ADARB2: variants seen among roughly 807,000 people sequenced by gnomAD.
ADARB2 encodes inactive double-stranded RNA-specific editase B2.
Under a neutral mutation model 62.2 loss-of-function variants are expected in ADARB2, and 25 were observed. The observed-to-expected ratio is 0.40, with a 90% CI of 0.29 to 0.56. The LOEUF (loss-of-function observed/expected upper bound fraction) is 0.56. Ranked by LOEUF, ADARB2 falls within the 20% of genes least tolerant of loss-of-function variation. ADARB2 has a pLI of 0.43. For missense variants in ADARB2, 1,071 were observed against 1,077.4 expected, an observed-to-expected ratio of 0.99 and a Z score of 0.08; for synonymous variants, 572 against 500.8, an observed-to-expected ratio of 1.14 and a Z score of -1.90.
intron 4 of ADARB2, among the ~76,000 whole-genome samples, chr10:1,247,701 A>G (rs912034030): frequency 5.9e-5 from 9 of 152,234 alleles, no homozygotes; most frequent in Admixed American, 4.6e-4. Flanking sequence ...ACCAACCAGC[A>G]TTCAGATAAA....
At chr10:1,558,666 C>A (rs12769051) in intron 1 of ADARB2, among the ~76,000 whole-genome samples, 3 of 21,748 alleles carry the variant, frequency 1.4e-4, no homozygotes, top group African/African-American at 1.7e-4. Flanking sequence ...CTCAGCACCC[C>A]CATGCCCCAT....
At chr10:1,205,504 C>T (rs1837042900) in intron 7 of ADARB2, among the ~76,000 whole-genome samples, 1 of 152,212 alleles carries the variant, frequency 6.6e-6, no homozygotes, top group African/African-American at 2.4e-5. Flanking sequence ...ACAGCTTCCC[C>T]AGGAGCTCAC....
At chr10:1,304,456 G>A (rs1831606460) in intron 3 of ADARB2, among the ~76,000 whole-genome samples, 1 of 152,050 alleles carries the variant, frequency 6.6e-6, no homozygotes, top group Admixed American at 6.5e-5. Context: ...GTCAACATTA[G>A]ACAGATCAAG....
intron 1 of ADARB2, among the ~76,000 whole-genome samples, chr10:1,385,515 G>T (rs2805511): frequency 0.33 from 50,144 of 150,356 alleles, 8,594 homozygotes; most frequent in Non-Finnish European, 0.37. Flanking sequence ...TACTGGATGG[G>T]TTTCACATTG....
At chr10:1,588,154 C>T (rs555126206) in intron 1 of ADARB2, among the ~76,000 whole-genome samples, 92 of 152,166 alleles carry the variant, frequency 6.0e-4, no homozygotes, top group Non-Finnish European at 1.2e-3. Context: ...CTTCAAGACC[C>T]ACCTTGCAGG....
chr10:1,380,785 GCTAATTTA>G (rs1832476272), intron 1 of ADARB2, among the ~76,000 whole-genome samples: 2 of 152,190 alleles, frequency 1.3e-5, no homozygotes, highest in Non-Finnish European at 2.9e-5. Context: ...TGCAGCCGAA[GCTAATTTA>G]CTACCAGAGA....
At chr10:1,404,777 G>T (rs1258071481) in intron 1 of ADARB2, among the ~76,000 whole-genome samples, 1 of 152,204 alleles carries the variant, frequency 6.6e-6, no homozygotes, top group Non-Finnish European at 1.5e-5. Flanking sequence ...GACCCCTGAG[G>T]GAAAGTGATG....
chr10:1,659,501 G>A (rs1385040194), intron 1 of ADARB2, among the ~76,000 whole-genome samples: 1 of 152,232 alleles, frequency 6.6e-6, no homozygotes, highest in Non-Finnish European at 1.5e-5. Context: ...CCTCTTCCCT[G>A]GAAGGAGCCT....
chr10:1,691,431 T>C (rs1834671159), intron 1 of ADARB2, among the ~76,000 whole-genome samples: 1 of 152,204 alleles, frequency 6.6e-6, no homozygotes, highest in Non-Finnish European at 1.5e-5. Flanking sequence ...AACTCATTTC[T>C]TGTGTCTCAG....
rs558536089 is a variant in ADARB2 at position 1,641,395 on chromosome 10, T to C, written c.100+95656A>G. ...TATAATTTCATAAAAACAAATGATG[T>C]GAACAACCCAATATCAGGTCTAAAA... On this transcript the variant is annotated intron_variant, in intron 1 of 9. Transcript: ENST00000381312. 3.9e-5 allele frequency among the ~76,000 whole-genome samples: 6 copies of C among 152,358 alleles called. No individual in the cohort carries two copies. The East Asian group carries it at 9.6e-4, about 24-fold the overall frequency.
intron 1 of ADARB2, among the ~76,000 whole-genome samples, chr10:1,665,402 C>T (rs1004108707): frequency 2.0e-5 from 3 of 152,244 alleles, no homozygotes; most frequent in Non-Finnish European, 4.4e-5. Context: ...AACTCGCATC[C>T]ACCCAGGGAA....
At chr10:1,588,791 T>A (rs960312869) in intron 1 of ADARB2, among the ~76,000 whole-genome samples, 5 of 152,050 alleles carry the variant, frequency 3.3e-5, no homozygotes, top group African/African-American at 9.7e-5. Context: ...TGACACAAAT[T>A]CATGAGAAAA....
chr10:1,499,954 G>C (rs141965833), intron 1 of ADARB2, among the ~76,000 whole-genome samples: 3 of 152,274 alleles, frequency 2.0e-5, no homozygotes, highest in East Asian at 1.9e-4. Flanking sequence ...GTACCTCTCT[G>C]ACTACATGAA....
At chr10:1,681,087 C>T (rs1834529487) in intron 1 of ADARB2, among the ~76,000 whole-genome samples, 1 of 152,116 alleles carries the variant, frequency 6.6e-6, no homozygotes, top group Non-Finnish European at 1.5e-5. Flanking sequence ...GAAGGCAGCC[C>T]CTGGACAGGA....
chr10:1,268,535 C>G (rs1831229127), intron 4 of ADARB2, among the ~76,000 whole-genome samples: 1 of 152,146 alleles, frequency 6.6e-6, no homozygotes, highest in Admixed American at 6.5e-5. Flanking sequence ...AATTTTAAAA[C>G]ATTGTGACAT....
chr10:1,643,555 A>G (rs1412467293), intron 1 of ADARB2, among the ~76,000 whole-genome samples: 1 of 152,160 alleles, frequency 6.6e-6, no homozygotes, highest in African/African-American at 2.4e-5. Context: ...CTTCACCAGT[A>G]TGGGGAAGTG....
chr10:1,688,457 C>T (rs867097445), intron 1 of ADARB2, among the ~76,000 whole-genome samples: 1 of 152,210 alleles, frequency 6.6e-6, no homozygotes, highest in Non-Finnish European at 1.5e-5. Flanking sequence ...CTGCCATATT[C>T]CCCCAGACAA....
intron 1 of ADARB2, among the ~76,000 whole-genome samples, chr10:1,706,727 G>A (rs984576965): frequency 6.6e-6 from 1 of 152,210 alleles, no homozygotes; most frequent in Non-Finnish European, 1.5e-5. Context: ...TTCTGCCTGT[G>A]TGTGAAGTCA....
chr10:1,407,703 C>T (rs1023621003), intron 1 of ADARB2, among the ~76,000 whole-genome samples: 18 of 152,200 alleles, frequency 1.2e-4, no homozygotes, highest in African/African-American at 3.9e-4. Flanking sequence ...AGATGAGTGA[C>T]GGTGTTCTGA....
Sources: gnomAD v4.1 joint callset for allele counts (sites outside exome capture counted in the v4.1 genomes callset) on GRCh38, gnomAD v4.1.1 for gene constraint, MANE v1.5 for transcripts, NCBI Gene and HGNC (gene_info 2026-07-23, HGNC 2026-07-21) for gene names.